Variants in ZBTB20 observed in about 807,000 individuals in gnomAD.
ZBTB20 encodes the protein zinc finger and BTB domain-containing protein 20.
Under a neutral mutation model 56.9 loss-of-function variants are expected in ZBTB20, and 9 were observed. That is an observed-to-expected ratio of 0.16 (90% confidence interval 0.10 to 0.28). ZBTB20 has a LOEUF of 0.28. ZBTB20 is among the 10% of genes least tolerant of loss of function. ZBTB20 has a pLI of 1.00. For synonymous variants in ZBTB20, 417 were observed against 420.7 expected (o/e 0.99, Z 0.11); for missense variants, 655 against 1,003.0 (o/e 0.65, Z 4.69).
chr3:114,528,822 T>C (rs765820785), intron 6 of ZBTB20: 15 of 150,982 alleles, frequency 9.9e-5, no homozygotes, highest in Non-Finnish European at 1.8e-4. Context: ...GTATTGCAGA[T>C]TTTTTTTTCC....
intron 2 of ZBTB20, among the ~76,000 whole-genome samples, chr3:114,992,645 G>A (rs897977341): frequency 2.6e-5 from 4 of 151,862 alleles, no homozygotes; most frequent in African/African-American, 9.7e-5. Flanking sequence ...TGAAGCCAAT[G>A]AGAGGAGTGG....
intron 6 of ZBTB20, among the ~76,000 whole-genome samples, chr3:114,532,445 C>T (rs1461641867): frequency 6.6e-6 from 1 of 152,220 alleles, no homozygotes. Flanking sequence ...TAGATTTCTC[C>T]TCTCTGAGCA....
intron 7 of ZBTB20, among the ~76,000 whole-genome samples, chr3:114,463,992 T>G (rs898604682): frequency 5.4e-4 from 82 of 152,330 alleles, no homozygotes; most frequent in Non-Finnish European, 1.0e-3. Context: ...TGAACTGCTA[T>G]TTGAATCTTT....
At chr3:114,645,068 G>A (rs1215470397) in intron 6 of ZBTB20, among the ~76,000 whole-genome samples, 1 of 151,776 alleles carries the variant, frequency 6.6e-6, no homozygotes, top group African/African-American at 2.4e-5. Context: ...CACACACTAT[G>A]AGCTCCACGA....
chr3:114,868,390 G>A (rs1443120122), intron 4 of ZBTB20, among the ~76,000 whole-genome samples: 1 of 152,094 alleles, frequency 6.6e-6, no homozygotes, highest in East Asian at 1.9e-4. Context: ...TGTCTTTTGA[G>A]CACAGTATAT....
intron 6 of ZBTB20, among the ~76,000 whole-genome samples, chr3:114,662,354 G>A (rs1272972115): frequency 7.9e-4 from 113 of 142,704 alleles, no homozygotes; most frequent in African/African-American, 2.9e-3. Context: ...GAATAATGCC[G>A]CAATAAACAT....
At chr3:114,486,076 T>A (rs1188710221) in intron 7 of ZBTB20, among the ~76,000 whole-genome samples, 2 of 126,306 alleles carry the variant, frequency 1.6e-5, no homozygotes, top group Non-Finnish European at 3.1e-5. Flanking sequence ...TAGTTCTTTG[T>A]CGATTAAATA....
At chr3:114,469,851 G>A (rs991182612) in intron 7 of ZBTB20, among the ~76,000 whole-genome samples, 1 of 152,010 alleles carries the variant, frequency 6.6e-6, no homozygotes, top group African/African-American at 2.4e-5. Flanking sequence ...ATTTGCCATT[G>A]GAAATATCAT....
chr3:114,787,366 T>TATATATAC (rs1278656494), intron 5 of ZBTB20, among the ~76,000 whole-genome samples: 4 of 82,900 alleles, frequency 4.8e-5, no homozygotes, highest in African/African-American at 1.6e-4. Flanking sequence ...TATATATATA[T>TATATATAC]ATACACACAC....
rs2079130612 is a variant in ZBTB20 at position 114,998,877 on chromosome 3, TAAGATA to T, written c.-506-24467_-506-24462del. ...TGAGGTTCAGGAAGAGGATCTTGTT[TAAGATA>T]AAGATGTGGCTGTAATTGATCCATA... is the stretch of plus-strand genomic sequence containing the variant. On this transcript the variant is annotated intron_variant, in intron 2 of 11. Transcript: ENST00000675478. Among the ~76,000 whole-genome samples the T allele has an allele frequency of 5.3e-5, 8 of 151,468 alleles. No homozygotes were observed. In the South Asian group the frequency reaches 1.7e-3, roughly 31 times the overall value.
At chr3:114,749,622 A>AG (rs1560204637) in intron 5 of ZBTB20, among the ~76,000 whole-genome samples, 54 of 150,166 alleles carry the variant, frequency 3.6e-4, no homozygotes, top group African/African-American at 1.3e-3. Flanking sequence ...GAAGGAAGGA[A>AG]TAAATTGGCT....
At chr3:114,907,466 T>C (rs1204175048) in intron 3 of ZBTB20, among the ~76,000 whole-genome samples, 1 of 151,800 alleles carries the variant, frequency 6.6e-6, no homozygotes, top group Non-Finnish European at 1.5e-5. Flanking sequence ...ACAGAACAAG[T>C]CTGAGATGCA....
At chr3:114,588,181 C>G (rs1168418278) in intron 6 of ZBTB20, among the ~76,000 whole-genome samples, 1 of 152,194 alleles carries the variant, frequency 6.6e-6, no homozygotes, top group African/African-American at 2.4e-5. Context: ...CTTACCATGA[C>G]AAGGATCACT....
intron 6 of ZBTB20, among the ~76,000 whole-genome samples, chr3:114,606,751 A>G (rs2057184096): frequency 6.6e-6 from 1 of 152,162 alleles, no homozygotes; most frequent in Non-Finnish European, 1.5e-5. Context: ...AGGAGTTACT[A>G]TATAGCTTTA....
intron 4 of ZBTB20, among the ~76,000 whole-genome samples, chr3:114,844,546 A>AAAAAAC (rs2074584315): frequency 7.1e-6 from 1 of 140,730 alleles, no homozygotes; most frequent in Non-Finnish European, 1.5e-5. Flanking sequence ...AAAAAAAAAA[A>AAAAAAC]AAAAAACTTT....
chr3:115,053,538 T>C (rs898872850), intron 2 of ZBTB20, among the ~76,000 whole-genome samples: 1 of 152,208 alleles, frequency 6.6e-6, no homozygotes, highest in Non-Finnish European at 1.5e-5. Flanking sequence ...GTGAGAGTAC[T>C]TGCTCAATAA....
At position 114,333,876 on chromosome 3, in the gene ZBTB20, G is replaced by A. The variant is rs2079356805; in HGVS notation, c.*5129C>T. 6.6e-6 allele frequency: 1 copy of A among 152,124 alleles called. No homozygotes were observed. Among genetic ancestry groups the A allele is most frequent in the African/African-American group, 2.4e-5 (1 of 41,428 alleles). 9.4% of individuals were successfully genotyped at this position (152,124 alleles called of 1,614,324 possible). On this transcript the variant is annotated 3_prime_UTR_variant, in exon 12 of 12. Coordinates refer to ENST00000675478, the MANE Select transcript of ZBTB20 (RefSeq NM_001348800.3). ...ATGTTTCTTGGTTTAGCATTGTTTG[G>A]TGCTGAATACATTTTGCAATTCTTT...
intron 4 of ZBTB20, among the ~76,000 whole-genome samples, chr3:114,826,054 C>A (rs894995528): frequency 2.0e-5 from 3 of 151,688 alleles, no homozygotes; most frequent in African/African-American, 7.2e-5. Flanking sequence ...TTCCAACAAT[C>A]AAAATTCTGT....
chr3:114,587,466 GT>G (rs2107531627), intron 6 of ZBTB20, among the ~76,000 whole-genome samples: 1 of 152,288 alleles, frequency 6.6e-6, no homozygotes, highest in East Asian at 1.9e-4. Flanking sequence ...ACTAGAGAAT[GT>G]TACAGAAAGC....
Sources: allele counts gnomAD v4.1 joint callset (sites outside exome capture counted in the v4.1 genomes callset), GRCh38; gene constraint gnomAD v4.1.1; transcripts MANE v1.5; gene names NCBI Gene and HGNC (gene_info 2026-07-23, HGNC 2026-07-21).